The following FAM13A variants were observed in gnomAD, a reference collection of about 807,000 sequenced individuals.
FAM13A encodes the protein protein FAM13A.
In FAM13A, 76 loss-of-function variants were observed where a neutral mutation model predicts 129.6. The observed-to-expected ratio is 0.59, with a 90% CI of 0.49 to 0.71. FAM13A has a LOEUF of 0.71. Ranked by LOEUF, FAM13A falls within the 30% of genes least tolerant of loss-of-function variation. FAM13A has a pLI of 0.00. For missense variants in FAM13A, 1,108 were observed against 1,249.3 expected (o/e 0.89, Z 1.70); for synonymous variants, 443 against 449.9 (o/e 0.98, Z 0.20).
At chr4:88,747,502 T>C in intron 18 of FAM13A, 129 bp downstream of exon 18, 1 of 765,792 alleles carries the variant, frequency 1.3e-6, no homozygotes, top group Non-Finnish European at 2.2e-6. Context: ...TCAGCTTCCC[T>C]AGACACGTAA....
chr4:88,873,668 A>G (rs1319879503), intron 6 of FAM13A, among the ~76,000 whole-genome samples: 1 of 152,202 alleles, frequency 6.6e-6, no homozygotes, highest in Admixed American at 6.5e-5. Flanking sequence ...CAACCAAAAA[A>G]AGTCCAGGAC....
chr4:88,730,580 T>C (rs538530448), intron 23 of FAM13A, among the ~76,000 whole-genome samples: 6 of 152,164 alleles, frequency 3.9e-5, no homozygotes, highest in African/African-American at 1.2e-4. Flanking sequence ...TTAGTAGAGA[T>C]GGGGTTTCAC....
chr4:88,894,236 A>AT (rs1449158102), intron 6 of FAM13A, among the ~76,000 whole-genome samples: 1 of 152,230 alleles, frequency 6.6e-6, no homozygotes, highest in African/African-American at 2.4e-5. Context: ...TCACATGAAA[A>AT]TTATTCACTT....
At chr4:89,028,224 GC>G (rs997940586) in intron 2 of FAM13A, among the ~76,000 whole-genome samples, 20 of 132,276 alleles carry the variant, frequency 1.5e-4, no homozygotes, top group African/African-American at 5.3e-4. Flanking sequence ...AAAAAAAAAA[GC>G]CCCCAAAAAC....
At chr4:88,831,389 T>C (rs1733862216) in intron 7 of FAM13A, among the ~76,000 whole-genome samples, 1 of 152,206 alleles carries the variant, frequency 6.6e-6, no homozygotes, top group Non-Finnish European at 1.5e-5. Flanking sequence ...TAGCAGGGCT[T>C]CCTTAGAGAC....
chr4:88,915,288 G>A (rs1049947811), intron 5 of FAM13A, among the ~76,000 whole-genome samples: 49 of 152,166 alleles, frequency 3.2e-4, no homozygotes, highest in African/African-American at 9.4e-4. Context: ...CTTAAAACTC[G>A]AAAGAAATAT....
At chr4:88,880,665 A>G (rs1208646177) in intron 6 of FAM13A, among the ~76,000 whole-genome samples, 1 of 152,020 alleles carries the variant, frequency 6.6e-6, no homozygotes, top group African/African-American at 2.4e-5. Flanking sequence ...GGTGCAAACC[A>G]TGAAAGCCCT....
rs564624716 is a variant in FAM13A, at chr4:88,802,697, C to T, written c.1049+2314G>A. On this transcript the variant is annotated intron_variant, in intron 8 of 23. Transcript: ENST00000264344. ...TTCCCTGTTCCTGCATCCCTTTCTT[C>T]TCCCCTAGCCACAGCAAGGTCCTGG... 6.1e-4 allele frequency among the ~76,000 whole-genome samples: 93 copies of T among 152,250 alleles called. 1 individual carries two copies. The Middle Eastern group carries it at 0.02, about 33-fold the overall frequency.
At chr4:88,872,982 AACTC>A (rs1304896127) in intron 6 of FAM13A, among the ~76,000 whole-genome samples, 1 of 152,186 alleles carries the variant, frequency 6.6e-6, no homozygotes, top group Non-Finnish European at 1.5e-5. Flanking sequence ...AGGATTTAAA[AACTC>A]ACTCACAACC....
At chr4:89,025,909 A>G (rs889361033) in intron 2 of FAM13A, among the ~76,000 whole-genome samples, 2 of 152,172 alleles carry the variant, frequency 1.3e-5, no homozygotes, top group African/African-American at 4.8e-5. Flanking sequence ...GTAGGGATAG[A>G]CTTTTCACCA....
At chr4:88,830,130 G>A (rs1733649542) in intron 7 of FAM13A, among the ~76,000 whole-genome samples, 2 of 152,190 alleles carry the variant, frequency 1.3e-5, no homozygotes, top group African/African-American at 2.4e-5. Flanking sequence ...AGTGGCAGGA[G>A]ACAGTTGAAG....
intron 6 of FAM13A, among the ~76,000 whole-genome samples, chr4:88,899,320 A>C (rs1212968559): frequency 6.6e-6 from 1 of 151,968 alleles, no homozygotes; most frequent in East Asian, 1.9e-4. Flanking sequence ...GAATGATACA[A>C]TGGACTTTGG....
Position 89,027,512 on chromosome 4 carries a change from TA to T in FAM13A, c.217+1947del, listed in dbSNP as rs35923372. ...AAAACAGAGCAAGACTCTGTCCCTT[TA>T]AAAAAAAAAAAGCAATACAATAGAA... On this transcript the variant is annotated intron_variant, in intron 2 of 23. Coordinates refer to ENST00000264344, the MANE Select transcript of FAM13A (RefSeq NM_014883.4). 7.9e-3 allele frequency among the ~76,000 whole-genome samples: 1,147 copies of T among 144,316 alleles called. 4 individuals carry two copies. The highest frequency in any genetic ancestry group is 0.019 in the African/African-American group (742 of 39,492). The allele number at this position is 144,316 out of a possible 152,430, so 94.7% of individuals were successfully genotyped here.
chr4:88,861,455 TAATA>T lies in FAM13A; in HGVS notation c.844-10276_844-10273del, dbSNP rs377401773. On this transcript the variant is annotated intron_variant, in intron 6 of 23. Coordinates refer to ENST00000264344, the MANE Select transcript of FAM13A (RefSeq NM_014883.4). ...TATTGCCTGGAATAGACTGGGCACA[TAATA>T]AATGACAGAAGTGAGAGTTATTAAT... 5.1e-4 allele frequency among the ~76,000 whole-genome samples: 76 copies of T among 149,966 alleles called. No individual in the cohort carries two copies. In the East Asian group the frequency reaches 0.014, roughly 28 times the overall value.
chr4:88,868,143 C>T (rs898603765), intron 6 of FAM13A, among the ~76,000 whole-genome samples: 1 of 152,140 alleles, frequency 6.6e-6, no homozygotes, highest in African/African-American at 2.4e-5. Context: ...AAATATGCTG[C>T]TGTGCTTTAT....
intron 11 of FAM13A, among the ~76,000 whole-genome samples, chr4:88,772,977 G>A (rs576216638): frequency 6.6e-6 from 1 of 152,286 alleles, no homozygotes; most frequent in African/African-American, 2.4e-5. Context: ...TTTCATAGAT[G>A]AAAGGTAGGC....
chr4:88,819,592 T>G (rs939552325), intron 7 of FAM13A, among the ~76,000 whole-genome samples: 2 of 152,170 alleles, frequency 1.3e-5, no homozygotes, highest in Non-Finnish European at 2.9e-5. Context: ...AAACTAGGCC[T>G]GAGATCTGAC....
chr4:88,910,520 C>T lies in FAM13A; in HGVS notation c.760-4058G>A, dbSNP rs78408861. Reference sequence around the variant, plus strand: ...ATTTCACTGGAGCAGGTTATCTTCCCAGGATGCCACCTGGGAAGGGATATT... The same window carrying T: ...ATTTCACTGGAGCAGGTTATCTTCCTAGGATGCCACCTGGGAAGGGATATT... On this transcript the variant is annotated intron_variant, in intron 5 of 23. Transcript: ENST00000264344. 6.2e-3 allele frequency among the ~76,000 whole-genome samples: 940 copies of T among 152,198 alleles called. 4 individuals carry two copies. Among genetic ancestry groups the T allele is most frequent in the Middle Eastern group, 0.014 (4 of 294 alleles).
chr4:88,738,406 G>T (rs1739451137), intron 20 of FAM13A, among the ~76,000 whole-genome samples: 1 of 152,086 alleles, frequency 6.6e-6, no homozygotes, highest in Admixed American at 6.5e-5. Context: ...GCAGGTGGCT[G>T]GGCCCTAAAG....
Sources: gnomAD v4.1 joint callset for allele counts (sites outside exome capture counted in the v4.1 genomes callset) on GRCh38, gnomAD v4.1.1 for gene constraint, MANE v1.5 for transcripts, NCBI Gene and HGNC (gene_info 2026-07-23, HGNC 2026-07-21) for gene names.